The following RTCB variants were observed in gnomAD, a reference collection of about 807,000 sequenced individuals.
RTCB encodes the protein RNA-splicing ligase RTCB.
RTCB carries 32 observed loss-of-function variants against 58.2 expected under a neutral mutation model. That is an observed-to-expected ratio of 0.55 (90% CI 0.41 to 0.74). The LOEUF is 0.74. RTCB is among the 30% of genes least tolerant of loss of function. The pLI, the probability that RTCB is intolerant of heterozygous loss-of-function variation, is 0.00. For synonymous variants in RTCB, 247 were observed against 218.6 expected (o/e 1.13, Z -1.15); for missense variants, 523 against 639.0 (o/e 0.82, Z 1.96).
At chr22:32,402,318 G>A (rs1933349445) in intron 4 of RTCB, among the ~76,000 whole-genome samples, 3 of 151,854 alleles carry the variant, frequency 2.0e-5, no homozygotes, top group Admixed American at 2.0e-4. Context: ...ACTTTTTTAG[G>A]GTATAATTTG....
intron 4 of RTCB, 30 bp from the exon 5 acceptor site, chr22:32,401,933 A>T (rs1256534743): frequency 6.2e-7 from 1 of 1,610,418 alleles, no homozygotes; most frequent in South Asian, 1.1e-5. Flanking sequence ...TAGCAAAACC[A>T]GCTGGTAAGG....
chr22:32,390,592 GCGCC>G (rs1933138497), intron 11 of RTCB, among the ~76,000 whole-genome samples: 1 of 152,140 alleles, frequency 6.6e-6, no homozygotes, highest in African/African-American at 2.4e-5. Context: ...AGAGCTACAG[GCGCC>G]CGCCACCACG....
At chr22:32,401,718 T>C in intron 5 of RTCB, 29 bp downstream of exon 5, 2 of 1,611,222 alleles carry the variant, frequency 1.2e-6, no homozygotes, top group Middle Eastern at 1.7e-4. Context: ...ATCCCTCCCA[T>C]ACCATGTACT....
At chr22:32,389,122 C>T (rs142336911) in intron 11 of RTCB, among the ~76,000 whole-genome samples, 3 of 152,226 alleles carry the variant, frequency 2.0e-5, no homozygotes, top group Middle Eastern at 3.4e-3. Context: ...TACATCGTAC[C>T]ACAAACTACC....
At chr22:32,404,465 G>A (rs1033134329) in intron 4 of RTCB, among the ~76,000 whole-genome samples, 44 of 152,092 alleles carry the variant, frequency 2.9e-4, no homozygotes, top group African/African-American at 8.5e-4. Flanking sequence ...AGAGTGCAGC[G>A]GTGTGATCAT....
At chr22:32,392,105 C>A in intron 11 of RTCB, 135 bp downstream of exon 11, 22 of 887,318 alleles carry the variant, frequency 2.5e-5, no homozygotes, top group South Asian at 1.3e-4. Context: ...GAAGATAAGC[C>A]AAAATTGAGG....
intron 9 of RTCB, among the ~76,000 whole-genome samples, 199 bp from the exon 10 acceptor site, chr22:32,394,201 T>C (rs1378725011): frequency 6.6e-6 from 1 of 150,838 alleles, no homozygotes; most frequent in African/African-American, 2.4e-5. Flanking sequence ...AAGCTCCGCC[T>C]CCTGGGTTCA....
intron 4 of RTCB, among the ~76,000 whole-genome samples, chr22:32,403,406 CA>C (rs1162217463): frequency 3.6e-5 from 5 of 138,198 alleles, no homozygotes; most frequent in African/African-American, 5.4e-5. Flanking sequence ...GACTCCGTCT[CA>C]AAAAAAAAAG....
chr22:32,393,782 G>T, intron 10 of RTCB, 110 bp downstream of exon 10: 1 of 762,202 alleles, frequency 1.3e-6, no homozygotes, highest in Non-Finnish European at 2.3e-6. Flanking sequence ...GACATGATAG[G>T]CCCAAGTCTC....
chr22:32,390,649 C>G (rs568288165), intron 11 of RTCB, among the ~76,000 whole-genome samples: 1 of 152,060 alleles, frequency 6.6e-6, no homozygotes, highest in African/African-American at 2.4e-5. Flanking sequence ...GGGGTTTCAC[C>G]GTGTTAGCCA....
chr22:32,408,156 G>T lies in RTCB; in HGVS notation c.240+19C>A. On this transcript the variant is annotated intron_variant, in intron 3 of 11. Coordinates refer to ENST00000216038, the MANE Select transcript of RTCB (RefSeq NM_014306.5). ...ACTTTAAGAAATATAAATGATTAAA[G>T]TTCTGAACTCTGACTCACATGAACA... is the stretch of plus-strand genomic sequence containing the variant. 6.2e-7 allele frequency: 1 copy of T among 1,608,198 alleles called. No individual in the cohort carries two copies. The highest frequency in any genetic ancestry group is 8.5e-7 in the Non-Finnish European group (1 of 1,174,714).
intron 11 of RTCB, among the ~76,000 whole-genome samples, chr22:32,388,623 TCA>T (rs1933099575): frequency 6.6e-6 from 1 of 151,344 alleles, no homozygotes; most frequent in Non-Finnish European, 1.5e-5. Context: ...GTACCTACAC[TCA>T]CAGACAATTT....
In RTCB at chr22:32,395,228, CAG is replaced by C; in HGVS notation, c.991-16_991-15del. ...CTTGGCGAAAGCCTAGGAGAAAACA[CAG>C]AAGATAAAAGCAGCCAGAACTTCAG... On this transcript the variant is annotated splice_polypyrimidine_tract_variant and intron_variant, in intron 8 of 11. Coordinates refer to ENST00000216038, the MANE Select transcript of RTCB (RefSeq NM_014306.5). 1 of 1,611,522 alleles carries C rather than the reference CAG, an allele frequency of 6.2e-7. No individual in the cohort carries two copies.
intron 5 of RTCB, among the ~76,000 whole-genome samples, chr22:32,400,834 T>C (rs972409284): frequency 7.2e-5 from 11 of 152,222 alleles, no homozygotes; most frequent in Non-Finnish European, 1.5e-4. Context: ...AGCACACTAT[T>C]CTGCTACTGA....
Position 32,412,063 on chromosome 22 carries a change from C to G in RTCB, c.93+1G>C, listed in dbSNP as rs1192808380. 2 of 1,604,272 alleles carry G rather than the reference C, an allele frequency of 1.2e-6. No homozygotes were observed. Among genetic ancestry groups the G allele is most frequent in the Non-Finnish European group, 8.5e-7 (1 of 1,177,608 alleles). On this transcript the variant is annotated splice_donor_variant, in intron 1 of 11. Coordinates refer to ENST00000216038, the MANE Select transcript of RTCB (RefSeq NM_014306.5). LOFTEE classifies it high-confidence loss of function. ...CCCCGCCATTTGCTCTCCTGCCTTA[C>G]CTGCATGTTGGGCACGAAGCCCTTC...
intron 6 of RTCB, among the ~76,000 whole-genome samples, chr22:32,398,456 G>A: frequency 6.6e-6 from 1 of 152,144 alleles, no homozygotes; most frequent in Non-Finnish European, 1.5e-5. Context: ...GCCTGTCGAG[G>A]AGTGGGAGGA....
chr22:32,399,832 A>G (rs1569441717), intron 5 of RTCB, 73 bp from the exon 6 acceptor site: 1 of 1,396,890 alleles, frequency 7.2e-7, no homozygotes, highest in Non-Finnish European at 9.7e-7. Flanking sequence ...CCACATCCTT[A>G]AAGGGCAGAG....
chr22:32,397,574 A>C (rs1159056743), intron 7 of RTCB, among the ~76,000 whole-genome samples: 1 of 152,176 alleles, frequency 6.6e-6, no homozygotes, highest in Non-Finnish European at 1.5e-5. Context: ...TATGATACAT[A>C]ATCTGCCAAA....
At chr22:32,411,484 T>C (rs1328184718) in intron 1 of RTCB, among the ~76,000 whole-genome samples, 1 of 152,122 alleles carries the variant, frequency 6.6e-6, no homozygotes, top group Non-Finnish European at 1.5e-5. Flanking sequence ...GAGGAAGCTA[T>C]GTCACCGACA....
Sources: allele counts gnomAD v4.1 joint callset (sites outside exome capture counted in the v4.1 genomes callset), GRCh38; gene constraint gnomAD v4.1.1; transcripts MANE v1.5; gene names NCBI Gene and HGNC (gene_info 2026-07-23, HGNC 2026-07-21).